The following TUBB8 variants were observed in gnomAD, a reference collection of about 807,000 sequenced individuals.
TUBB8 encodes the protein tubulin beta-8 chain.
In TUBB8, 25 loss-of-function variants were observed where a neutral mutation model predicts 33.7. The ratio of observed to expected loss-of-function variants is 0.74; its 90% CI spans 0.54 to 1.04. The LOEUF (loss-of-function observed/expected upper bound fraction) is 1.04. Among genes scored for constraint, TUBB8 ranks in the 50% least tolerant of loss-of-function variants. The probability of loss-of-function intolerance (pLI) is 0.00; values close to 1 mark genes in which losing one functional copy is unlikely to be tolerated. For synonymous variants in TUBB8, 245 were observed against 240.1 expected, an observed-to-expected ratio of 1.02 and a Z score of -0.19; for missense variants, 279 against 608.0, an observed-to-expected ratio of 0.46 and a Z score of 5.69.
upstream of TUBB8, chr10:49,836 A>G: frequency 3.3e-6 from 1 of 307,468 alleles, no homozygotes; most frequent in Middle Eastern, 1.2e-3. Flanking sequence ...ACCTTTCCAG[A>G]GGACTGTGGT....
At chr10:75,447 G>A (rs1303191980), upstream of TUBB8, among the ~76,000 whole-genome samples, 2 of 151,366 alleles carry the variant, frequency 1.3e-5, no homozygotes, top group Non-Finnish European at 2.9e-5. Flanking sequence ...CTGAGGTCAG[G>A]AGTTCGAGAC....
chr10:58,765 A>G (rs1240154884), intron 1 of TUBB8, among the ~76,000 whole-genome samples: 1 of 152,242 alleles, frequency 6.6e-6, no homozygotes, highest in Non-Finnish European at 1.5e-5. Context: ...CCCACCTCCA[A>G]CATGGAGAAT....
At chr10:76,139 C>CAAA (rs71374333), upstream of TUBB8, among the ~76,000 whole-genome samples, 255 of 73,164 alleles carry the variant, frequency 3.5e-3, 2 homozygotes, top group African/African-American at 0.013. Context: ...AACTCCGTCT[C>CAAA]AAAAAAAAAA....
Position 46,981 on chromosome 10 carries a change from G to T in TUBB8, c.*76C>A. The T allele has an allele frequency of 8.1e-6, 5 of 614,724 alleles. No individual in the cohort carries two copies. The South Asian group carries it at 9.5e-5, about 12-fold the overall frequency. 38.1% of individuals were successfully genotyped at this position (614,724 alleles called of 1,614,324 possible). A position where few individuals can be genotyped will look rare whatever the true frequency, so the allele number is the denominator to read the frequency against. ...GATGTGAAGACACAAATTAACAAGC[G>T]TATAGTGACACATGGCTGTCAGAAC... On this transcript the variant is annotated 3_prime_UTR_variant, in exon 4 of 4. Coordinates refer to ENST00000568584, the MANE Select transcript of TUBB8 (RefSeq NM_177987.3).
At chr10:65,107 C>T (rs1258394308) in intron 1 of TUBB8, among the ~76,000 whole-genome samples, 1 of 152,174 alleles carries the variant, frequency 6.6e-6, no homozygotes, top group African/African-American at 2.4e-5. Context: ...AAGACTGTGC[C>T]ACTGCACTCC....
exon 1 of TUBB8, chr10:74,047 G>A: frequency 6.5e-6 from 1 of 154,268 alleles, no homozygotes. Flanking sequence ...CCCAAGCCCC[G>A]GCCCCTCCTG....
intron 1 of TUBB8, among the ~76,000 whole-genome samples, chr10:56,780 T>C (rs1181043141): frequency 1.3e-5 from 2 of 152,208 alleles, no homozygotes; most frequent in Non-Finnish European, 2.9e-5. Flanking sequence ...ACCTAAACTA[T>C]ATCATTTTGC....
chr10:48,049 A>T lies in TUBB8; in HGVS notation c.343T>A (p.Ser115Thr). The change falls in exon 4 of 4, where the codon TCA becomes ACA. Residue 115 changes from serine to threonine, a missense_variant. Ser to Thr is a moderately conservative substitution (Grantham distance 58). Transcript: ENST00000568584. Reference sequence around the variant, plus strand: ...TCCTTTCTGACAACGTCCATCACTGACTCCATCAGCTCCGCGCCTTCGGTG... The same window carrying T: ...TCCTTTCTGACAACGTCCATCACTGTCTCCATCAGCTCCGCGCCTTCGGTG... ...HYTEGAELME[S>T]VMDVVRKEAE... 6.2e-7 allele frequency: 1 copy of T among 1,613,870 alleles called. No individual in the cohort carries two copies. The highest frequency in any genetic ancestry group is 1.3e-5 in the African/African-American group (1 of 75,030).
chr10:62,490 T>C (rs1554741029), intron 1 of TUBB8, among the ~76,000 whole-genome samples: 1 of 152,258 alleles, frequency 6.6e-6, no homozygotes, highest in Non-Finnish European at 1.5e-5. Context: ...TATTTTTTAC[T>C]GGTTTATTGT....
Position 47,096 on chromosome 10 carries a change from C to G in TUBB8, c.1296G>C (p.Glu432Asp). ...YQQYQDATAE[E>D]EEDEEYAEEE... ...CCTCGGCATACTCCTCATCCTCCTC[C>G]TCCTCGGCCGTGGCATCCTGATATT... Residue 432 changes from glutamate to aspartate, a missense_variant, in exon 4 of 4, where the codon GAG (glutamate) becomes GAC (aspartate). Around this residue, in one of 4 missense-constraint regions of TUBB8, gnomAD observed 123 missense variants for 228.9 expected, o/e 0.54. Transcript: ENST00000568584. The G allele has an allele frequency of 1.4e-6, 2 of 1,428,220 alleles. No individual in the cohort carries two copies. The highest frequency in any genetic ancestry group is 4.6e-5 in the East Asian group (2 of 43,708). 88.5% of individuals were successfully genotyped at this position (1,428,220 alleles called of 1,614,324 possible). A position where few individuals can be genotyped will look rare whatever the true frequency, so the allele number is the denominator to read the frequency against.
chr10:62,212 T>A (rs1340283784), intron 1 of TUBB8, among the ~76,000 whole-genome samples: 6 of 152,234 alleles, frequency 3.9e-5, no homozygotes, highest in African/African-American at 1.4e-4. Flanking sequence ...GTGATTTATC[T>A]TTTAATATTA....
upstream of TUBB8, among the ~76,000 whole-genome samples, chr10:74,646 AAGAAAG>A (rs1554742871): frequency 6.8e-6 from 1 of 147,824 alleles, no homozygotes; most frequent in Non-Finnish European, 1.5e-5. Flanking sequence ...AAAAAAAAGA[AAGAAAG>A]AAAAAGAAAA....
chr10:64,338 A>C (rs1377523732), intron 1 of TUBB8, among the ~76,000 whole-genome samples: 1 of 134,330 alleles, frequency 7.4e-6, no homozygotes, highest in Non-Finnish European at 1.7e-5. Flanking sequence ...CCTTAGCCCT[A>C]ACCCTTACCC....
chr10:65,847 G>A (rs1364431552), intron 1 of TUBB8, among the ~76,000 whole-genome samples: 1 of 152,238 alleles, frequency 6.6e-6, no homozygotes, highest in African/African-American at 2.4e-5. Flanking sequence ...AATCAAGCTG[G>A]TTTGGCATAC....
At chr10:62,814 A>G (rs550301165) in intron 1 of TUBB8, among the ~76,000 whole-genome samples, 1 of 152,304 alleles carries the variant, frequency 6.6e-6, no homozygotes, top group African/African-American at 2.4e-5. Flanking sequence ...ATGTCATGCC[A>G]CTCTCTCAGC....
intron 1 of TUBB8, among the ~76,000 whole-genome samples, chr10:57,482 A>G (rs1554740294): frequency 2.0e-5 from 3 of 152,212 alleles, no homozygotes; most frequent in Non-Finnish European, 2.9e-5. Flanking sequence ...CATTATTTGA[A>G]GTAAAGGTGG....
At chr10:49,442 A>G (rs1834436109), upstream of TUBB8, 14 of 706,308 alleles carry the variant, frequency 2.0e-5, no homozygotes, top group Admixed American at 2.8e-4. Flanking sequence ...TCTGTTGGAA[A>G]GCTCAGGTGT....
rs137861850 is a variant in TUBB8 at position 48,628 on chromosome 10, G to A, written c.264C>T (p.Asp88=). The A allele has an allele frequency of 1.6e-3, 2,648 of 1,612,308 alleles. 2 individuals carry two copies. Among genetic ancestry groups the A allele is most frequent in the Non-Finnish European group, 2.1e-3 (2,462 of 1,179,758 alleles). ...SGPFGQVFRP[D]NFIFGQCGAG... is the part of the protein sequence containing the mutation. ...CCCGCAGCTCACCGAAGATGAAGTT[G>A]TCTGGCCTGAAGACCTGCCCGAAGG... The change falls in exon 3 of 4, where the codon GAC becomes GAT. Residue 88 remains aspartate (D), a synonymous_variant. Transcript: ENST00000568584.
intron 1 of TUBB8, among the ~76,000 whole-genome samples, chr10:71,660 C>T (rs1302296230): frequency 6.6e-6 from 1 of 151,978 alleles, no homozygotes; most frequent in Non-Finnish European, 1.5e-5. Flanking sequence ...GGTGCAGTGG[C>T]TCACACCTGT....
Sources: allele counts gnomAD v4.1 joint callset (sites outside exome capture counted in the v4.1 genomes callset), GRCh38; gene constraint gnomAD v4.1.1; regional missense constraint gnomAD v4.1.1; transcripts MANE v1.5; gene names NCBI Gene and HGNC (gene_info 2026-07-23, HGNC 2026-07-21).